PCDH9: variants seen among roughly 807,000 people sequenced by gnomAD.
PCDH9 encodes the protein protocadherin 9.
Under a neutral mutation model 70.6 loss-of-function variants are expected in PCDH9, and 24 were observed. That is an observed-to-expected ratio of 0.34 (90% CI 0.25 to 0.48). The LOEUF is 0.48. Among genes scored for constraint, PCDH9 ranks in the 20% least tolerant of loss-of-function variants. The pLI is 0.99. For synonymous variants in PCDH9, 562 were observed against 558.5 expected (o/e 1.01, Z -0.09); for missense variants, 1,281 against 1,503.6 (o/e 0.85, Z 2.45).
At chr13:66,399,225 A>G (rs772931080) in intron 4 of PCDH9, among the ~76,000 whole-genome samples, 1 of 152,240 alleles carries the variant, frequency 6.6e-6, no homozygotes, top group African/African-American at 2.4e-5. Flanking sequence ...CTCCTGAGTA[A>G]TTAGCCTGGG....
At chr13:66,531,558 A>G (rs1960455438) in intron 4 of PCDH9, among the ~76,000 whole-genome samples, 1 of 152,108 alleles carries the variant, frequency 6.6e-6, no homozygotes, top group South Asian at 2.1e-4. Flanking sequence ...TTTACTATTA[A>G]GAATCTAAAC....
intron 4 of PCDH9, among the ~76,000 whole-genome samples, chr13:66,503,095 A>C (rs1343798644): frequency 6.6e-6 from 1 of 152,240 alleles, no homozygotes; most frequent in Non-Finnish European, 1.5e-5. Context: ...TAAAAAATAC[A>C]GAACCAGTCA....
At chr13:66,546,766 A>C (rs986612905) in intron 4 of PCDH9, among the ~76,000 whole-genome samples, 1 of 152,152 alleles carries the variant, frequency 6.6e-6, no homozygotes, top group Non-Finnish European at 1.5e-5. Context: ...ATTTGTGGTG[A>C]GTGCTCTGTA....
At chr13:66,674,919 A>T (rs2078222512) in intron 3 of PCDH9, among the ~76,000 whole-genome samples, 1 of 152,124 alleles carries the variant, frequency 6.6e-6, no homozygotes. Context: ...AACTACCATT[A>T]AATTACTTTT....
chr13:66,372,050 T>A (rs554510443), intron 4 of PCDH9, among the ~76,000 whole-genome samples: 1 of 152,164 alleles, frequency 6.6e-6, no homozygotes, highest in Admixed American at 6.6e-5. Context: ...ATACTTATGT[T>A]AATTTATTTG....
intron 3 of PCDH9, among the ~76,000 whole-genome samples, chr13:66,881,091 A>G (rs1261993068): frequency 6.6e-6 from 1 of 152,218 alleles, no homozygotes; most frequent in Non-Finnish European, 1.5e-5. Flanking sequence ...ATAGGTTGTC[A>G]GCTAGTAGTA....
At chr13:66,305,137 G>A in intron 4 of PCDH9, 109 bp from the exon 5 acceptor site, 1 of 990,094 alleles carries the variant, frequency 1.0e-6, no homozygotes, top group Non-Finnish European at 1.4e-6. Flanking sequence ...TTTCATAAAA[G>A]TGTATCAAGT....
intron 3 of PCDH9, among the ~76,000 whole-genome samples, chr13:66,778,854 G>A (rs1378629838): frequency 6.6e-6 from 1 of 152,100 alleles, no homozygotes; most frequent in Non-Finnish European, 1.5e-5. Context: ...CAGCCCCATG[G>A]TTCTTCATCT....
At chr13:66,544,450 G>A (rs1453821378) in intron 4 of PCDH9, among the ~76,000 whole-genome samples, 5 of 152,102 alleles carry the variant, frequency 3.3e-5, no homozygotes, top group Admixed American at 6.6e-5. Context: ...GTGAGCCCCC[G>A]AATTGGAGCT....
At chr13:67,171,006 T>A (rs930780579) in intron 2 of PCDH9, among the ~76,000 whole-genome samples, 1 of 152,110 alleles carries the variant, frequency 6.6e-6, no homozygotes, top group Admixed American at 6.5e-5. Context: ...AATATGGTCA[T>A]CCTATCCCTG....
At chr13:66,446,512 A>T (rs1217431442) in intron 4 of PCDH9, among the ~76,000 whole-genome samples, 1 of 152,102 alleles carries the variant, frequency 6.6e-6, no homozygotes, top group East Asian at 1.9e-4. Flanking sequence ...AAAGGCTAAA[A>T]GCCATGATTT....
intron 4 of PCDH9, among the ~76,000 whole-genome samples, chr13:66,546,365 G>T (rs1481415621): frequency 2.6e-5 from 4 of 151,980 alleles, no homozygotes; most frequent in Non-Finnish European, 5.9e-5. Context: ...CTAGGCTAAT[G>T]TGTGTGTTTG....
chr13:66,631,183 G>T (rs1325370720), intron 4 of PCDH9, 27 bp downstream of exon 4: 7 of 1,213,760 alleles, frequency 5.8e-6, no homozygotes, highest in Non-Finnish European at 8.6e-6. Flanking sequence ...ACAACTCCAA[G>T]CAATCAAAAT....
intron 4 of PCDH9, among the ~76,000 whole-genome samples, chr13:66,353,109 A>G (rs1956319886): frequency 6.6e-6 from 1 of 152,192 alleles, no homozygotes; most frequent in Non-Finnish European, 1.5e-5. Context: ...GATTCAATGA[A>G]ATTCCTTCCT....
intron 4 of PCDH9, among the ~76,000 whole-genome samples, chr13:66,320,182 ATAAC>A (rs539139979): frequency 6.6e-6 from 1 of 152,126 alleles, no homozygotes; most frequent in Non-Finnish European, 1.5e-5. Context: ...ACATTACAAA[ATAAC>A]TAATCTAGTT....
chr13:67,024,828 C>T (rs1325545343), intron 2 of PCDH9, among the ~76,000 whole-genome samples: 1 of 152,060 alleles, frequency 6.6e-6, no homozygotes, highest in African/African-American at 2.4e-5. Context: ...TTATGAAATA[C>T]TCTTTTCCAT....
intron 2 of PCDH9, among the ~76,000 whole-genome samples, chr13:67,030,761 C>T (rs2084889843): frequency 6.6e-6 from 1 of 152,000 alleles, no homozygotes; most frequent in Non-Finnish European, 1.5e-5. Flanking sequence ...TTACCTTCTT[C>T]CATTTGTTGA....
intron 2 of PCDH9, among the ~76,000 whole-genome samples, chr13:66,965,011 T>C (rs1319623662): frequency 6.6e-6 from 1 of 151,974 alleles, no homozygotes; most frequent in African/African-American, 2.4e-5. Flanking sequence ...GGAGAAAAAA[T>C]TTTAAACATT....
intron 3 of PCDH9, among the ~76,000 whole-genome samples, chr13:66,809,139 G>T (rs1463811215): frequency 6.6e-6 from 1 of 152,022 alleles, no homozygotes; most frequent in African/African-American, 2.4e-5. Flanking sequence ...TAGTAGAGAC[G>T]GGGTTTCACC....
Sources: allele counts gnomAD v4.1 joint callset (sites outside exome capture counted in the v4.1 genomes callset), GRCh38; gene constraint gnomAD v4.1.1; transcripts MANE v1.5; gene names NCBI Gene and HGNC (gene_info 2026-07-23, HGNC 2026-07-21).